Variants in FGF12 observed in about 807,000 individuals in gnomAD.
FGF12 encodes the protein fibroblast growth factor 12, also known as fibroblast growth factor 12B.
In FGF12, 14 loss-of-function variants were observed where a neutral mutation model predicts 23.6. The observed-to-expected ratio is 0.59, with a 90% CI of 0.39 to 0.93. FGF12 has a LOEUF of 0.93. Among genes scored for constraint, FGF12 ranks in the 40% least tolerant of loss-of-function variants. The pLI is 0.00. For missense variants in FGF12, 175 were observed against 217.8 expected (o/e 0.80, Z 1.24); for synonymous variants, 62 against 77.3 (o/e 0.80, Z 1.04).
At position 192,323,870 on chromosome 3, in the gene FGF12, C is replaced by T. The variant is rs189885641; in HGVS notation, c.228+11491G>A. Reference sequence around the variant, plus strand: ...CTTTGGGAGGCTGAGGCAGGCAGATCGCCTGAGCTCAGGAGATTGAGACCA... The same window carrying T: ...CTTTGGGAGGCTGAGGCAGGCAGATTGCCTGAGCTCAGGAGATTGAGACCA... On this transcript the variant is annotated intron_variant, in intron 4 of 5. Transcript: ENST00000445105. Among the ~76,000 whole-genome samples the T allele has an allele frequency of 2.7e-3, 413 of 152,062 alleles. 1 individual carries two copies. The highest frequency in any genetic ancestry group is 4.0e-3 in the Non-Finnish European group (273 of 67,958).
intron 2 of FGF12, among the ~76,000 whole-genome samples, chr3:192,396,548 A>G (rs1402572211): frequency 6.6e-6 from 1 of 152,224 alleles, no homozygotes; most frequent in Non-Finnish European, 1.5e-5. Context: ...CCTAACACCC[A>G]CTATGAGTCT....
At chr3:192,376,317 T>C (rs1464507) in intron 2 of FGF12, among the ~76,000 whole-genome samples, 26,340 of 150,552 alleles carry the variant, frequency 0.17, 2,473 homozygotes, top group African/African-American at 0.24. Context: ...ACTATTGTCA[T>C]TGCTATATAA....
chr3:192,663,218 T>C (rs1416941020), intron 2 of FGF12, among the ~76,000 whole-genome samples: 1 of 152,194 alleles, frequency 6.6e-6, no homozygotes, highest in Non-Finnish European at 1.5e-5. Context: ...CAGTTGTCTA[T>C]AAAATGAAAA....
At chr3:192,342,825 C>G (rs1001218545) in intron 3 of FGF12, among the ~76,000 whole-genome samples, 1 of 152,028 alleles carries the variant, frequency 6.6e-6, no homozygotes, top group African/African-American at 2.4e-5. Context: ...AATGATACTG[C>G]ACCAAAAAAT....
chr3:192,552,936 A>G (rs1387973301), intron 2 of FGF12, among the ~76,000 whole-genome samples: 7 of 152,140 alleles, frequency 4.6e-5, no homozygotes, highest in Admixed American at 6.6e-5. Flanking sequence ...AAAGAAAAAA[A>G]TACATGCCAG....
At chr3:192,710,108 C>T (rs1163578044) in intron 2 of FGF12, among the ~76,000 whole-genome samples, 1 of 152,084 alleles carries the variant, frequency 6.6e-6, no homozygotes, top group Non-Finnish European at 1.5e-5. Context: ...GGAAGAATAC[C>T]TTAATGACCC....
chr3:192,524,742 G>A (rs1724900863), intron 2 of FGF12, among the ~76,000 whole-genome samples: 1 of 152,132 alleles, frequency 6.6e-6, no homozygotes, highest in Non-Finnish European at 1.5e-5. Flanking sequence ...TCTCCTTTGT[G>A]CATTATTTTT....
chr3:192,516,934 C>T (rs1560136772), intron 2 of FGF12: 1 of 152,174 alleles, frequency 6.6e-6, no homozygotes, highest in Non-Finnish European at 1.5e-5. Context: ...TAGAAATTCC[C>T]CACAGAGGGA....
At chr3:192,484,676 G>T (rs1251701808) in intron 2 of FGF12, among the ~76,000 whole-genome samples, 1 of 152,148 alleles carries the variant, frequency 6.6e-6, no homozygotes, top group African/African-American at 2.4e-5. Flanking sequence ...CCATAAAGGT[G>T]GGCGGACCTT....
At chr3:192,641,705 CG>C (rs1406416716) in intron 2 of FGF12, among the ~76,000 whole-genome samples, 3 of 152,070 alleles carry the variant, frequency 2.0e-5, no homozygotes, top group Non-Finnish European at 2.9e-5. Context: ...AGTGCCTGGC[CG>C]GCCTTTCACA....
chr3:192,703,444 A>C (rs1289935139), intron 2 of FGF12, among the ~76,000 whole-genome samples: 1 of 152,182 alleles, frequency 6.6e-6, no homozygotes, highest in Non-Finnish European at 1.5e-5. Context: ...CTTGATGCTC[A>C]TGGCTGCTGA....
chr3:192,256,322 T>A (rs1712383694), intron 4 of FGF12, among the ~76,000 whole-genome samples: 1 of 152,014 alleles, frequency 6.6e-6, no homozygotes, highest in South Asian at 2.1e-4. Flanking sequence ...TAATTCATTG[T>A]CTTATTGATT....
At chr3:192,516,702 G>A (rs1049594018) in intron 2 of FGF12, 6 of 152,226 alleles carry the variant, frequency 3.9e-5, no homozygotes, top group Non-Finnish European at 8.8e-5. Context: ...CAAGATTCAA[G>A]AAGATATGCC....
At chr3:192,268,036 T>G (rs1713189523) in intron 4 of FGF12, among the ~76,000 whole-genome samples, 1 of 152,198 alleles carries the variant, frequency 6.6e-6, no homozygotes, top group South Asian at 2.1e-4. Context: ...ATATCTCAGA[T>G]TTAAAGATAA....
At chr3:192,618,564 G>A (rs182224564) in intron 2 of FGF12, among the ~76,000 whole-genome samples, 13 of 152,198 alleles carry the variant, frequency 8.5e-5, no homozygotes, top group South Asian at 4.2e-4. Context: ...AAATTTGACC[G>A]ATTTCTCCTC....
At chr3:192,228,910 A>C (rs1718875212) in intron 4 of FGF12, among the ~76,000 whole-genome samples, 1 of 152,088 alleles carries the variant, frequency 6.6e-6, no homozygotes, top group Non-Finnish European at 1.5e-5. Context: ...GCAGTCACAG[A>C]GTTCAATTAC....
intron 2 of FGF12, among the ~76,000 whole-genome samples, chr3:192,418,116 T>C (rs752551603): frequency 3.3e-5 from 5 of 152,128 alleles, no homozygotes; most frequent in Non-Finnish European, 5.9e-5. Context: ...AGATGTTAGA[T>C]GCAAATTACT....
intron 2 of FGF12, among the ~76,000 whole-genome samples, chr3:192,491,009 G>A (rs990014493): frequency 6.6e-6 from 1 of 152,180 alleles, no homozygotes. Context: ...TCTATGATTC[G>A]TGCATTCCTC....
At chr3:192,563,666 G>T (rs1407154205) in intron 2 of FGF12, among the ~76,000 whole-genome samples, 2 of 152,196 alleles carry the variant, frequency 1.3e-5, no homozygotes, top group Non-Finnish European at 2.9e-5. Flanking sequence ...AACAAAGAGA[G>T]AAATTCTACA....
Sources: gnomAD v4.1 joint callset for allele counts (sites outside exome capture counted in the v4.1 genomes callset) on GRCh38, gnomAD v4.1.1 for gene constraint, MANE v1.5 for transcripts, NCBI Gene and HGNC (gene_info 2026-07-23, HGNC 2026-07-21) for gene names.